Variants in NSUN2 observed in about 807,000 individuals in gnomAD.
NSUN2 encodes the protein NOP2/Sun RNA methyltransferase 2.
In NSUN2, 63 loss-of-function variants were observed where a neutral mutation model predicts 92.7. The ratio of observed to expected loss-of-function variants is 0.68; its 90% CI spans 0.56 to 0.84. NSUN2 has a LOEUF of 0.84. NSUN2 is among the 40% of genes least tolerant of loss of function. The probability of loss-of-function intolerance (pLI) is 0.00; values close to 1 mark genes in which losing one functional copy is unlikely to be tolerated. For synonymous variants in NSUN2, 356 were observed against 348.3 expected (o/e 1.02, Z -0.25); for missense variants, 989 against 964.9 (o/e 1.02, Z -0.33).
chr5:6,620,160 T>A lies in NSUN2; in HGVS notation c.761A>T (p.Asp254Val). 2 of 1,611,986 alleles carry A rather than the reference T, an allele frequency of 1.2e-6. No homozygotes were observed. ...ATAGAAGAGGATCTCTTTCCTGCCG[T>A]CCACATCTATCTGGAGCCTGGGTAT... Reference protein sequence around the residue: ...SSIPRLQIDVDGRKEILFYDR... With the variant: ...SSIPRLQIDVVGRKEILFYDR... Residue 254 changes from aspartate to valine, a missense_variant, in exon 7 of 19, where the codon GAC becomes GTC. Asp to Val is a radical substitution (Grantham distance 152). Transcript: ENST00000264670.
chr5:6,621,664 C>A (rs951052394), intron 6 of NSUN2: 1 of 171,464 alleles, frequency 5.8e-6, no homozygotes, highest in Admixed American at 6.2e-5. Context: ...AGGAGAATGG[C>A]GTGAACCCAG....
intron 3 of NSUN2, among the ~76,000 whole-genome samples, chr5:6,627,876 TTTAG>T (rs764979462): frequency 2.2e-4 from 33 of 152,248 alleles, no homozygotes; most frequent in Non-Finnish European, 4.0e-4. Flanking sequence ...ATATTTAATT[TTTAG>T]TTACTTACTT....
At chr5:6,602,439 G>T in intron 18 of NSUN2, 22 bp downstream of exon 18, 1 of 1,611,806 alleles carries the variant, frequency 6.2e-7, no homozygotes. Context: ...TGTGTCTAAG[G>T]GCAGGGCGTG....
intron 14 of NSUN2, among the ~76,000 whole-genome samples, chr5:6,605,953 C>CA (rs1736753492): frequency 1.3e-5 from 2 of 152,040 alleles, no homozygotes; most frequent in African/African-American, 4.8e-5. Flanking sequence ...TCAGCCTCCC[C>CA]AAGTGCTGGG....
intron 7 of NSUN2, among the ~76,000 whole-genome samples, 164 bp downstream of exon 7, chr5:6,619,942 A>C (rs747366607): frequency 8.5e-5 from 13 of 152,178 alleles, no homozygotes; most frequent in Admixed American, 1.3e-4. Flanking sequence ...CTTCTCATTA[A>C]GACGTATCTA....
At chr5:6,607,000 C>A in intron 13 of NSUN2, 88 bp from the exon 14 acceptor site, 2 of 955,448 alleles carry the variant, frequency 2.1e-6, no homozygotes, top group East Asian at 2.5e-5. Flanking sequence ...TCTGTCAGTT[C>A]TGTGCAACAT....
At chr5:6,632,793 G>C (rs1431704273) in intron 1 of NSUN2, 37 bp from the exon 2 acceptor site, 2 of 1,600,910 alleles carry the variant, frequency 1.2e-6, no homozygotes, top group African/African-American at 2.7e-5. Context: ...CGAGGCCCAA[G>C]GAGCCGCCCC....
intron 9 of NSUN2, among the ~76,000 whole-genome samples, chr5:6,613,631 G>C (rs1737089399): frequency 6.6e-6 from 1 of 152,250 alleles, no homozygotes; most frequent in Non-Finnish European, 1.5e-5. Flanking sequence ...TCTGTGACCT[G>C]TGACAATGAG....
At chr5:6,606,682 T>C (rs1736785781) in intron 14 of NSUN2, 138 bp downstream of exon 14, 7 of 492,148 alleles carry the variant, frequency 1.4e-5, no homozygotes, top group African/African-American at 2.7e-5. Context: ...TGCTCTAATA[T>C]GCAGTTAAAA....
chr5:6,610,527 A>G (rs902128519), intron 11 of NSUN2, among the ~76,000 whole-genome samples: 9 of 151,974 alleles, frequency 5.9e-5, no homozygotes, highest in Non-Finnish European at 8.8e-5. Context: ...TGTCTCTACT[A>G]ATAAAAATAC....
At chr5:6,625,348 C>T (rs769279575) in intron 4 of NSUN2, among the ~76,000 whole-genome samples, 37 of 152,124 alleles carry the variant, frequency 2.4e-4, no homozygotes, top group Admixed American at 3.9e-4. Flanking sequence ...TAGCTGGCAT[C>T]GATATCCTTA....
At chr5:6,609,735 T>C (rs1736912329) in intron 12 of NSUN2, 91 bp downstream of exon 12, 2 of 978,866 alleles carry the variant, frequency 2.0e-6, no homozygotes, top group South Asian at 1.5e-5. Flanking sequence ...GAAGCTCCTC[T>C]TTCCTCTGTA....
intron 8 of NSUN2, 144 bp downstream of exon 8, chr5:6,617,806 C>G: frequency 1.9e-6 from 1 of 524,108 alleles, no homozygotes; most frequent in Admixed American, 3.6e-5. Context: ...CAAATAACTT[C>G]TGATAAAACA....
At position 6,611,050 on chromosome 5, in the gene NSUN2, C is replaced by T. The variant is rs1085307575; in HGVS notation, c.1131G>A (p.Trp377Ter). ...MTKDGQWFTD[W>*]DAVPHSRHTQ... ...TGTGTCTGCTGTGAGGAACAGCGTCCCAGTCTGTAAACCACTGCCCATCTT... is the reference window on the plus strand; with the variant it reads ...TGTGTCTGCTGTGAGGAACAGCGTCTCAGTCTGTAAACCACTGCCCATCTT... Residue 377 changes from tryptophan (W) to a stop codon, truncating the protein, a stop_gained, in exon 11 of 19, where the codon TGG (tryptophan) becomes TGA (stop). Coordinates refer to ENST00000264670, the MANE Select transcript of NSUN2 (RefSeq NM_017755.6). LOFTEE classifies it high-confidence loss of function. 2 of 1,613,986 alleles carry T rather than the reference C, an allele frequency of 1.2e-6. No individual in the cohort carries two copies. The highest frequency in any genetic ancestry group is 1.3e-5 in the African/African-American group (1 of 74,884).
intron 8 of NSUN2, 62 bp from the exon 9 acceptor site, chr5:6,616,919 G>T: frequency 1.4e-6 from 2 of 1,443,244 alleles, no homozygotes; most frequent in Non-Finnish European, 9.4e-7. Context: ...CATATTAGAA[G>T]CACCTCCTTA....
chr5:6,632,889 C>G lies in NSUN2; in HGVS notation c.91G>C (p.Glu31Gln). Reference protein sequence around the residue: ...DGAEGGGKRGEAGWEGGYPEI... With the variant: ...DGAEGGGKRGQAGWEGGYPEI... ...CGCCGGGTCCCGGCTCCTACCGCCT[C>G]GCCGCGCTTTCCACCACCCTCGGCG... The change falls in exon 1 of 19, where the codon GAG becomes CAG. Residue 31 changes from glutamate to glutamine, a missense_variant. Glu to Gln is a conservative substitution (Grantham distance 29). Around this residue, in one of 3 missense-constraint regions of NSUN2, gnomAD observed 356 missense variants for 338.6 expected, o/e 1.05. Coordinates refer to ENST00000264670, the MANE Select transcript of NSUN2 (RefSeq NM_017755.6). The G allele has an allele frequency of 6.5e-7, 1 of 1,531,652 alleles. No homozygotes were observed. Among genetic ancestry groups the G allele is most frequent in the South Asian group, 1.2e-5 (1 of 83,816 alleles). 94.9% of individuals were successfully genotyped at this position (1,531,652 alleles called of 1,614,324 possible). A position where few individuals can be genotyped will look rare whatever the true frequency, so the allele number is the denominator to read the frequency against.
intron 9 of NSUN2, among the ~76,000 whole-genome samples, chr5:6,616,414 T>C (rs1436176216): frequency 6.6e-6 from 1 of 152,146 alleles, no homozygotes; most frequent in Non-Finnish European, 1.5e-5. Flanking sequence ...AAAAGACAAA[T>C]ACAGTATGAT....
intron 6 of NSUN2, chr5:6,621,394 G>A (rs964693074): frequency 2.0e-5 from 3 of 152,172 alleles, no homozygotes; most frequent in East Asian, 3.9e-4. Context: ...GGGGAAAGGG[G>A]AAATTGTTAC....
intron 14 of NSUN2, among the ~76,000 whole-genome samples, chr5:6,605,683 T>A (rs1434632901): frequency 6.6e-6 from 1 of 151,818 alleles, no homozygotes; most frequent in Non-Finnish European, 1.5e-5. Context: ...AATGACCTGA[T>A]AACACTACTT....
Sources: gnomAD v4.1 joint callset for allele counts (sites outside exome capture counted in the v4.1 genomes callset) on GRCh38, gnomAD v4.1.1 for gene constraint, gnomAD v4.1.1 regional missense constraint, MANE v1.5 for transcripts, NCBI Gene and HGNC (gene_info 2026-07-23, HGNC 2026-07-21) for gene names.